LRRC4C: variants seen among roughly 807,000 people sequenced by gnomAD.
The protein encoded by LRRC4C is leucine rich repeat containing 4C.
Under a neutral mutation model 33.6 loss-of-function variants are expected in LRRC4C, and 5 were observed. The ratio of observed to expected loss-of-function variants is 0.15; its 90% CI spans 0.08 to 0.31. The LOEUF is 0.31. Among genes scored for constraint, LRRC4C ranks in the 10% least tolerant of loss-of-function variants. The pLI is 1.00. For missense variants in LRRC4C, 560 were observed against 796.7 expected, an observed-to-expected ratio of 0.70 and a Z score of 3.58; for synonymous variants, 329 against 302.0, an observed-to-expected ratio of 1.09 and a Z score of -0.93.
At chr11:41,400,309 A>C (rs1953977624) in intron 1 of LRRC4C, among the ~76,000 whole-genome samples, 2 of 151,764 alleles carry the variant, frequency 1.3e-5, no homozygotes, top group African/African-American at 2.4e-5. Context: ...TTTAGTAAAC[A>C]CTCATTTGTC....
At chr11:40,580,116 A>G (rs1958403319) in intron 3 of LRRC4C, among the ~76,000 whole-genome samples, 2 of 151,492 alleles carry the variant, frequency 1.3e-5, no homozygotes, top group African/African-American at 4.8e-5. Flanking sequence ...AGTGAGAAAA[A>G]ATGCTACTGT....
At chr11:40,545,733 G>A (rs908017062) in intron 3 of LRRC4C, among the ~76,000 whole-genome samples, 3 of 151,932 alleles carry the variant, frequency 2.0e-5, no homozygotes, top group Non-Finnish European at 4.4e-5. Context: ...TAAAGGGAGA[G>A]ATACCTTTCT....
At chr11:40,168,657 G>C (rs533825159) in intron 5 of LRRC4C, among the ~76,000 whole-genome samples, 1 of 152,286 alleles carries the variant, frequency 6.6e-6, no homozygotes, top group African/African-American at 2.4e-5. Context: ...CAGAGTTAAT[G>C]ATCACAGTCC....
chr11:40,742,367 G>A (rs753318656), intron 2 of LRRC4C, among the ~76,000 whole-genome samples: 1 of 151,898 alleles, frequency 6.6e-6, no homozygotes, highest in Non-Finnish European at 1.5e-5. Flanking sequence ...TCCTTCTTTT[G>A]ATTCATTACA....
intron 4 of LRRC4C, among the ~76,000 whole-genome samples, chr11:40,272,838 T>C (rs1369532954): frequency 6.6e-6 from 1 of 151,982 alleles, no homozygotes; most frequent in East Asian, 1.9e-4. Flanking sequence ...ATTCATTCTT[T>C]TTTTTTTTGT....
At chr11:40,363,132 A>G (rs1948038498) in intron 3 of LRRC4C, among the ~76,000 whole-genome samples, 1 of 152,206 alleles carries the variant, frequency 6.6e-6, no homozygotes, top group South Asian at 2.1e-4. Flanking sequence ...CACTATTTAC[A>G]GTAGCAAAGA....
At chr11:40,722,267 G>A (rs1947055277) in intron 2 of LRRC4C, among the ~76,000 whole-genome samples, 1 of 152,066 alleles carries the variant, frequency 6.6e-6, no homozygotes, top group South Asian at 2.1e-4. Flanking sequence ...GACTTGGAAT[G>A]GGAGTCATCT....
intron 3 of LRRC4C, among the ~76,000 whole-genome samples, chr11:40,472,326 A>G (rs1218579980): frequency 1.3e-5 from 2 of 151,496 alleles, no homozygotes; most frequent in Non-Finnish European, 2.9e-5. Flanking sequence ...CCGCACAACT[A>G]CATGGAAACT....
chr11:40,607,119 C>CA (rs2135852587), intron 3 of LRRC4C, among the ~76,000 whole-genome samples: 1 of 152,236 alleles, frequency 6.6e-6, no homozygotes, highest in Non-Finnish European at 1.5e-5. Flanking sequence ...AATCATCCTT[C>CA]AAAAATGAAG....
chr11:40,877,409 A>G (rs1221175776), intron 2 of LRRC4C, among the ~76,000 whole-genome samples: 3 of 152,108 alleles, frequency 2.0e-5, no homozygotes, highest in Non-Finnish European at 2.9e-5. Flanking sequence ...GCCACACAAA[A>G]CAAGCATTGT....
chr11:40,997,307 C>G (rs1454617295), intron 1 of LRRC4C, among the ~76,000 whole-genome samples: 3 of 151,972 alleles, frequency 2.0e-5, no homozygotes, highest in African/African-American at 7.2e-5. Context: ...CTATAAGAGA[C>G]AGTAAAGGGA....
At chr11:41,009,218 C>G (rs574814038) in intron 1 of LRRC4C, among the ~76,000 whole-genome samples, 204 of 151,374 alleles carry the variant, frequency 1.3e-3, no homozygotes, top group African/African-American at 4.7e-3. Flanking sequence ...TATATTTATT[C>G]AAAATGTTTA....
chr11:41,144,511 T>A (rs939825418), intron 1 of LRRC4C, among the ~76,000 whole-genome samples: 3 of 152,182 alleles, frequency 2.0e-5, no homozygotes, highest in African/African-American at 7.2e-5. Flanking sequence ...GCCAATATTA[T>A]GAGTTTGTTG....
intron 5 of LRRC4C, among the ~76,000 whole-genome samples, chr11:40,221,334 T>A: frequency 6.6e-6 from 1 of 152,208 alleles, no homozygotes; most frequent in South Asian, 2.1e-4. Context: ...GCAGGGAATG[T>A]GAATAGTTTA....
intron 4 of LRRC4C, among the ~76,000 whole-genome samples, chr11:40,267,756 C>T (rs1269730088): frequency 6.6e-6 from 1 of 152,070 alleles, no homozygotes; most frequent in Non-Finnish European, 1.5e-5. Flanking sequence ...TCTGAATTTT[C>T]AAATACTTGG....
intron 2 of LRRC4C, among the ~76,000 whole-genome samples, chr11:40,844,978 T>G (rs1953089135): frequency 6.6e-6 from 1 of 152,068 alleles, no homozygotes; most frequent in South Asian, 2.1e-4. Context: ...AAAAGAAAGC[T>G]AGGGTTTCTT....
chr11:41,129,387 C>A (rs930150232), intron 1 of LRRC4C, among the ~76,000 whole-genome samples: 2 of 151,916 alleles, frequency 1.3e-5, no homozygotes, highest in Admixed American at 6.6e-5. Flanking sequence ...CCTAAATATA[C>A]ATATACAGAT....
intron 4 of LRRC4C, among the ~76,000 whole-genome samples, chr11:40,274,140 A>T (rs964923556): frequency 2.6e-5 from 4 of 152,060 alleles, no homozygotes; most frequent in Non-Finnish European, 5.9e-5. Flanking sequence ...AAAGAATGGC[A>T]TTCCTATCTG....
chr11:40,484,441 G>C (rs538510521), intron 3 of LRRC4C, among the ~76,000 whole-genome samples: 7 of 151,972 alleles, frequency 4.6e-5, no homozygotes, highest in East Asian at 1.9e-4. Flanking sequence ...AGAAAAAAAA[G>C]GTACTGTGAA....
Sources: gnomAD v4.1 joint callset for allele counts (sites outside exome capture counted in the v4.1 genomes callset) on GRCh38, gnomAD v4.1.1 for gene constraint, MANE v1.5 for transcripts, NCBI Gene and HGNC (gene_info 2026-07-23, HGNC 2026-07-21) for gene names.